SLC25A26: variants seen among roughly 807,000 people sequenced by gnomAD.
SLC25A26 encodes the protein solute carrier family 25 member 26.
SLC25A26 carries 36 observed loss-of-function variants against 37.8 expected under a neutral mutation model. The ratio of observed to expected loss-of-function variants is 0.95; its 90% CI spans 0.73 to 1.26. The LOEUF is 1.26. SLC25A26 is among the 50% of genes most tolerant of loss of function. The pLI is 0.00. For synonymous variants in SLC25A26, 129 were observed against 122.5 expected (o/e 1.05, Z -0.35); for missense variants, 390 against 331.1 (o/e 1.18, Z -1.38).
chr3:66,331,319 G>A (rs1392489767), intron 5 of SLC25A26, among the ~76,000 whole-genome samples: 1 of 151,888 alleles, frequency 6.6e-6, no homozygotes. Context: ...GTTTGAATTT[G>A]TATTTCATTT....
chr3:66,296,111 C>T (rs535028933), intron 5 of SLC25A26, among the ~76,000 whole-genome samples: 13 of 151,906 alleles, frequency 8.6e-5, no homozygotes, highest in African/African-American at 2.9e-4. Context: ...AGCAAGACTC[C>T]GTCTTGGAAA....
intron 5 of SLC25A26, among the ~76,000 whole-genome samples, chr3:66,308,861 A>T (rs545135735): frequency 1.3e-4 from 19 of 151,712 alleles, no homozygotes; most frequent in South Asian, 6.2e-4. Context: ...ATGTTGAACC[A>T]ACCTTGCATC....
chr3:66,207,591 C>G lies in SLC25A26; in HGVS notation c.-353-13151C>G, dbSNP rs1006746927. Reference sequence around the variant, plus strand: ...GCTTATGAAACAATGGACCTCATCTCTAAATTCCTGCCCAAAGTAACTGAC... The same window carrying G: ...GCTTATGAAACAATGGACCTCATCTGTAAATTCCTGCCCAAAGTAACTGAC... On this transcript the variant is annotated intron_variant, in intron 1 of 10. Coordinates refer to the SLC25A26 transcript ENST00000676754. 6.5e-3 allele frequency among the ~76,000 whole-genome samples: 991 copies of G among 152,298 alleles called. 15 individuals carry two copies. The highest frequency in any genetic ancestry group is 0.019 in the African/African-American group (772 of 41,544).
intron 1 of SLC25A26, among the ~76,000 whole-genome samples, chr3:66,151,005 C>A (rs1429979962): frequency 1.3e-5 from 2 of 151,926 alleles, no homozygotes; most frequent in African/African-American, 4.8e-5. Context: ...TAGTCACGTT[C>A]TAATGCCACA....
At chr3:66,134,930 A>G (rs2069924830) in intron 1 of SLC25A26, among the ~76,000 whole-genome samples, 1 of 152,000 alleles carries the variant, frequency 6.6e-6, no homozygotes, top group Non-Finnish European at 1.5e-5. Context: ...TCCCAGGTTC[A>G]AGCGATTCTC....
At chr3:66,259,823 C>G (rs9860679) in intron 3 of SLC25A26, among the ~76,000 whole-genome samples, 1,951 of 152,180 alleles carry the variant, frequency 0.013, 44 homozygotes, top group African/African-American at 0.044. Flanking sequence ...TTCAAGTGTT[C>G]CCACTGACTA....
At position 66,311,172 on chromosome 3, in the gene SLC25A26, T is replaced by C. The variant is rs138677299; in HGVS notation, c.454-35192T>C. Among the ~76,000 whole-genome samples, 22 of 152,254 alleles carry C rather than the reference T, an allele frequency of 1.4e-4. No homozygotes were observed. In the East Asian group the frequency reaches 3.3e-3, roughly 23 times the overall value. ...TCTTTTCACATAGTCCGATATTTCT[T>C]GGAGGCTTTGTTCGTTCCTTTTCAT... is the stretch of plus-strand genomic sequence containing the variant. On this transcript the variant is annotated intron_variant, in intron 5 of 9. Coordinates refer to ENST00000354883, the MANE Select transcript of SLC25A26 (RefSeq NM_001379210.1).
chr3:66,168,183 GTGTA>G (rs1031817635), intron 1 of SLC25A26, among the ~76,000 whole-genome samples: 1 of 20,644 alleles, frequency 4.8e-5, no homozygotes, highest in Admixed American at 3.8e-4. Flanking sequence ...ATATGTGTGT[GTGTA>G]TATATATATA....
At chr3:66,326,533 T>A (rs552473796) in intron 5 of SLC25A26, among the ~76,000 whole-genome samples, 1 of 152,268 alleles carries the variant, frequency 6.6e-6, no homozygotes, top group African/African-American at 2.4e-5. Context: ...CCAGAGGCAG[T>A]GAGTGGAATC....
chr3:66,173,740 A>T (rs2070533348), intron 1 of SLC25A26, among the ~76,000 whole-genome samples: 2 of 152,212 alleles, frequency 1.3e-5, no homozygotes, highest in Admixed American at 6.5e-5. Flanking sequence ...GCCACCTGGC[A>T]CTGTGTGTTG....
At chr3:66,220,830 T>C (rs2071450338), upstream of SLC25A26, 3 of 550,756 alleles carry the variant, frequency 5.4e-6, no homozygotes. Context: ...TCCGTCTAGC[T>C]GCACACAACG....
intron 3 of SLC25A26, among the ~76,000 whole-genome samples, chr3:66,250,822 T>C (rs1228514718): frequency 6.6e-6 from 1 of 152,128 alleles, no homozygotes; most frequent in Non-Finnish European, 1.5e-5. Flanking sequence ...CTGCATTTAA[T>C]TTAATTCATT....
At chr3:66,305,682 C>T (rs1410325557) in intron 5 of SLC25A26, among the ~76,000 whole-genome samples, 1 of 151,878 alleles carries the variant, frequency 6.6e-6, no homozygotes, top group Non-Finnish European at 1.5e-5. Flanking sequence ...TCTCATTGTT[C>T]ACTTACAAGT....
intron 5 of SLC25A26, among the ~76,000 whole-genome samples, chr3:66,338,621 AAC>A (rs1239353162): frequency 2.0e-5 from 3 of 152,060 alleles, no homozygotes; most frequent in Admixed American, 1.3e-4. Context: ...AGTGTTGTGT[AAC>A]AGTCATTACT....
At chr3:66,145,924 A>G (rs2070108515) in intron 1 of SLC25A26, among the ~76,000 whole-genome samples, 1 of 152,242 alleles carries the variant, frequency 6.6e-6, no homozygotes, top group Non-Finnish European at 1.5e-5. Context: ...CGTTCTACAA[A>G]CATAAAGTTA....
intron 1 of SLC25A26, among the ~76,000 whole-genome samples, chr3:66,225,416 G>A (rs912835491): frequency 6.6e-6 from 1 of 152,180 alleles, no homozygotes; most frequent in African/African-American, 2.4e-5. Context: ...AGCCACGGCT[G>A]TAATGGCTGG....
rs2106670706 is a variant in SLC25A26, at chr3:66,142,832, T to G, written c.-354+8848T>G. Among the ~76,000 whole-genome samples the G allele has an allele frequency of 2.6e-5, 4 of 152,270 alleles. No homozygotes were observed. The East Asian group carries it at 7.7e-4, about 29-fold the overall frequency. ...AGGCTGGAGTACAGTGGTGTGATCT[T>G]AGCTTGCTGTAACCCCAAATTCCTG... On this transcript the variant is annotated intron_variant, in intron 1 of 10. Coordinates refer to the SLC25A26 transcript ENST00000676754.
intron 2 of SLC25A26, among the ~76,000 whole-genome samples, chr3:66,241,049 C>A (rs1295919670): frequency 6.6e-6 from 1 of 152,024 alleles, no homozygotes; most frequent in Non-Finnish European, 1.5e-5. Flanking sequence ...ACCTGGCCAC[C>A]TTTTCTTAAT....
intron 5 of SLC25A26, among the ~76,000 whole-genome samples, chr3:66,297,257 G>A (rs28561795): frequency 0.012 from 1,892 of 151,624 alleles, 43 homozygotes; most frequent in African/African-American, 0.043. Flanking sequence ...GAATCCGGGA[G>A]GTGGAGGTTG....
Sources: allele counts gnomAD v4.1 joint callset (sites outside exome capture counted in the v4.1 genomes callset), GRCh38; gene constraint gnomAD v4.1.1; transcripts MANE v1.5; gene names NCBI Gene and HGNC (gene_info 2026-07-23, HGNC 2026-07-21).